Variants in F11 observed in about 807,000 individuals in gnomAD.
F11 encodes the protein coagualtion factor XI.
In F11, 78 loss-of-function variants were observed where a neutral mutation model predicts 76.5. The ratio of observed to expected loss-of-function variants is 1.02; its 90% CI spans 0.85 to 1.23. The LOEUF (loss-of-function observed/expected upper bound fraction) is 1.23. Among genes scored for constraint, F11 ranks in the 50% most tolerant of loss-of-function variants. The pLI is 0.00. For missense variants in F11, 742 were observed against 771.4 expected (o/e 0.96, Z 0.45); for synonymous variants, 278 against 276.3 (o/e 1.01, Z -0.06).
intron 2 of F11, 56 bp downstream of exon 2, chr4:186,267,247 T>G: frequency 9.7e-7 from 1 of 1,029,566 alleles, no homozygotes; most frequent in South Asian, 1.3e-5. Context: ...CACTGCAATC[T>G]CCACACATGT....
Position 186,280,345 on chromosome 4 carries a change from T to C in F11, c.988T>C (p.Phe330Leu). Residue 330 changes from phenylalanine (F) to leucine (L), a missense_variant, in exon 9 of 15, where the codon TTT (phenylalanine) becomes CTT (leucine). By Grantham distance (22) the Phe-to-Leu change is conservative. Coordinates refer to ENST00000403665, the MANE Select transcript of F11 (RefSeq NM_000128.4). Reference protein sequence around the residue: ...LCTNAVRCQFFTYTPAQASCN... With the variant: ...LCTNAVRCQFLTYTPAQASCN... ...CACCAATGCCGTCCGCTGCCAGTTTTTTACCTATACCCCAGCCCAAGCATC... is the reference window on the plus strand; with the variant it reads ...CACCAATGCCGTCCGCTGCCAGTTTCTTACCTATACCCCAGCCCAAGCATC... 6.2e-7 allele frequency: 1 copy of C among 1,614,160 alleles called. No homozygotes were observed. Among genetic ancestry groups the C allele is most frequent in the Non-Finnish European group, 8.5e-7 (1 of 1,180,020 alleles).
chr4:186,282,004 G>A lies in F11; in HGVS notation c.1135+1424G>A, dbSNP rs537800596. Reference sequence around the variant, plus strand: ...TCTTAAAAAGCAAGTCAATTACGTCGTATCTCATACATTCTGTTTTCCTCA... The same window carrying A: ...TCTTAAAAAGCAAGTCAATTACGTCATATCTCATACATTCTGTTTTCCTCA... On this transcript the variant is annotated intron_variant, in intron 10 of 14. Transcript: ENST00000403665. 3.8e-5 allele frequency: 47 copies of A among 1,251,536 alleles called. No homozygotes were observed. In the Admixed American group the frequency reaches 4.6e-4, roughly 12 times the overall value. The allele number at this position is 1,251,536 out of a possible 1,614,324, so 77.5% of individuals were successfully genotyped here.
intron 10 of F11, chr4:186,283,168 A>G (rs1423453386): frequency 2.2e-6 from 1 of 464,256 alleles, no homozygotes; most frequent in Non-Finnish European, 2.8e-6. Flanking sequence ...AAAGCTACAC[A>G]GGCAACCCAC....
intron 4 of F11, 51 bp from the exon 5 acceptor site, chr4:186,274,065 C>A: frequency 1.9e-6 from 3 of 1,605,322 alleles, no homozygotes; most frequent in South Asian, 2.2e-5. Context: ...TTGCTTAGGT[C>A]ATTGCCCCTA....
In F11 at chr4:186,279,151, G is replaced by A. The variant is rs181794766; in HGVS notation, c.756-861G>A. Reference sequence around the variant, plus strand: ...TGTAATCCCAGCACTTTGGGAGGCCGAGGCGGTGAATCACGAGGTCAGGAG... The same window carrying A: ...TGTAATCCCAGCACTTTGGGAGGCCAAGGCGGTGAATCACGAGGTCAGGAG... On this transcript the variant is annotated intron_variant, in intron 7 of 14. Transcript: ENST00000403665. Among the ~76,000 whole-genome samples the A allele has an allele frequency of 7.9e-5, 12 of 152,310 alleles. No individual in the cohort carries two copies. In the East Asian group the frequency reaches 1.2e-3, roughly 15 times the overall value.
rs1741395501 is a variant in F11 at position 186,288,683 on chromosome 4, C to T, written c.*69C>T. ...TTGCTGGGAGAGGGTGTTGAGTTCA[C>T]TGTGCCAGCATGCTTCCTCCACAGT... is the stretch of plus-strand genomic sequence containing the variant. On this transcript the variant is annotated 3_prime_UTR_variant, in exon 15 of 15. Transcript: ENST00000403665. 36 of 1,529,806 alleles carry T rather than the reference C, an allele frequency of 2.4e-5. No homozygotes were observed. Among genetic ancestry groups the T allele is most frequent in the Non-Finnish European group, 3.0e-5 (34 of 1,120,734 alleles). The allele number at this position is 1,529,806 out of a possible 1,614,324, so 94.8% of individuals were successfully genotyped here.
Position 186,284,192 on chromosome 4 carries a change from G to A in F11, c.1236G>A (p.Gln412=). 1 of 1,614,136 alleles carries A rather than the reference G, an allele frequency of 6.2e-7. No homozygotes were observed. The part of the protein sequence containing the change: ...QVTLHTTSPT[Q]RHLCGGSIIG... ...CCCTGCACACAACCTCACCCACTCAGAGACACCTGTGTGGAGGCTCCATCA... is the reference window on the plus strand; with the variant it reads ...CCCTGCACACAACCTCACCCACTCAAAGACACCTGTGTGGAGGCTCCATCA... Residue 412 remains glutamine (Q), a synonymous_variant, in exon 11 of 15, where the codon CAG becomes CAA. Coordinates refer to ENST00000403665, the MANE Select transcript of F11 (RefSeq NM_000128.4).
intron 10 of F11, chr4:186,282,797 G>A (rs996287432): frequency 2.4e-5 from 24 of 985,170 alleles, no homozygotes; most frequent in South Asian, 4.7e-5. Context: ...CATCGTGCTC[G>A]TTCTCACCTC....
rs750960382 is a variant in F11, at chr4:186,284,271, C to A, written c.1304+11C>A. The A allele has an allele frequency of 5.6e-6, 9 of 1,605,462 alleles. No individual in the cohort carries two copies. Among genetic ancestry groups the A allele is most frequent in the Non-Finnish European group, 7.7e-6 (9 of 1,172,924 alleles). ...TCACTGTTTCTATGGGTCAGTACCA[C>A]GGCTGTTTTTATTAGTTCATCTTCT... is the stretch of plus-strand genomic sequence containing the variant. On this transcript the variant is annotated intron_variant, in intron 11 of 14. Coordinates refer to ENST00000403665, the MANE Select transcript of F11 (RefSeq NM_000128.4).
chr4:186,274,615 A>C (rs1462343076), intron 5 of F11: 1 of 333,832 alleles, frequency 3.0e-6, no homozygotes, highest in Non-Finnish European at 5.7e-6. Context: ...ACAGTCTAAC[A>C]GAATAAAAAT....
intron 7 of F11, among the ~76,000 whole-genome samples, chr4:186,278,006 C>T (rs1395095190): frequency 1.3e-5 from 2 of 152,176 alleles, no homozygotes; most frequent in Non-Finnish European, 2.9e-5. Flanking sequence ...GCCATGTTGG[C>T]CAGGCTGGTC....
intron 6 of F11, 77 bp downstream of exon 6, chr4:186,275,973 C>T: frequency 8.3e-7 from 1 of 1,211,200 alleles, no homozygotes; most frequent in Non-Finnish European, 1.2e-6. Context: ...CTCAGGATAC[C>T]AGCTTATGCT....
At chr4:186,275,400 C>A (rs1466149620) in intron 5 of F11, among the ~76,000 whole-genome samples, 1 of 152,116 alleles carries the variant, frequency 6.6e-6, no homozygotes, top group Admixed American at 6.5e-5. Context: ...GAGGCTGAGA[C>A]AAGAGAATCG....
chr4:186,287,242 G>A (rs1407439405), intron 13 of F11, among the ~76,000 whole-genome samples: 1 of 151,720 alleles, frequency 6.6e-6, no homozygotes, highest in East Asian at 2.0e-4. Flanking sequence ...CCAAAGTGCT[G>A]GAATTACAGG....
chr4:186,280,592 G>A lies in F11; in HGVS notation c.1135+12G>A. On this transcript the variant is annotated intron_variant, in intron 10 of 14. Transcript: ENST00000403665. Reference sequence around the variant, plus strand: ...TAAAATGGATAATGGTGAGTATAATGTCACTTGAAAAAATATAGCTGAAGG... The same window carrying A: ...TAAAATGGATAATGGTGAGTATAATATCACTTGAAAAAATATAGCTGAAGG... 1 of 1,584,554 alleles carries A rather than the reference G, an allele frequency of 6.3e-7. No homozygotes were observed. The highest frequency in any genetic ancestry group is 2.2e-5 in the East Asian group (1 of 44,692).
Position 186,269,757 on chromosome 4 carries a change from GCTAT to G in F11, c.56-1849_56-1846del, listed in dbSNP as rs568717008. On this transcript the variant is annotated intron_variant, in intron 2 of 14. Transcript: ENST00000403665. ...AAGATGGCTACATGGCACATGGTATGCTATCTGTCATAATAAAAAATAAAAATAA... is the reference window on the plus strand; with the variant it reads ...AAGATGGCTACATGGCACATGGTATGCTGTCATAATAAAAAATAAAAATAA... Among the ~76,000 whole-genome samples the G allele has an allele frequency of 2.3e-4, 35 of 152,308 alleles. No individual in the cohort carries two copies. In the South Asian group the frequency reaches 2.9e-3, roughly 13 times the overall value.
intron 2 of F11, among the ~76,000 whole-genome samples, chr4:186,270,474 C>T (rs1398305851): frequency 3.3e-5 from 5 of 152,036 alleles, no homozygotes; most frequent in Admixed American, 6.6e-5. Context: ...GGTGAAGTGC[C>T]GGCTTTTGGT....
downstream of F11, among the ~76,000 whole-genome samples, chr4:186,290,145 A>G (rs1340165490): frequency 6.6e-6 from 1 of 152,224 alleles, no homozygotes; most frequent in Non-Finnish European, 1.5e-5. Flanking sequence ...AGCTGAAATG[A>G]GTGGCTGCAC....
intron 10 of F11, among the ~76,000 whole-genome samples, chr4:186,281,718 T>C (rs1368299406): frequency 6.6e-6 from 1 of 152,196 alleles, no homozygotes; most frequent in Non-Finnish European, 1.5e-5. Flanking sequence ...AATATTACAA[T>C]ACACTATAAG....
Sources: gnomAD v4.1 joint callset for allele counts (sites outside exome capture counted in the v4.1 genomes callset) on GRCh38, gnomAD v4.1.1 for gene constraint, MANE v1.5 for transcripts, NCBI Gene and HGNC (gene_info 2026-07-23, HGNC 2026-07-21) for gene names.